TBC1D12: variants seen among roughly 807,000 people sequenced by gnomAD.
TBC1D12 encodes TBC1 domain family member 12, also known as TBC1 domain family, member 12.
Under a neutral mutation model 86.7 loss-of-function variants are expected in TBC1D12, and 56 were observed. The observed-to-expected ratio is 0.65, with a 90% CI of 0.52 to 0.81. TBC1D12 has a LOEUF of 0.81. Among genes scored for constraint, TBC1D12 ranks in the 30% least tolerant of loss-of-function variants. The pLI is 0.00. For synonymous variants in TBC1D12, 421 were observed against 411.7 expected (o/e 1.02, Z -0.27); for missense variants, 1,023 against 1,038.8 (o/e 0.98, Z 0.21).
chr10:94,437,348 C>G (rs1399977071), intron 1 of TBC1D12, among the ~76,000 whole-genome samples: 1 of 150,806 alleles, frequency 6.6e-6, no homozygotes, highest in Non-Finnish European at 1.5e-5. Context: ...TTTTTTGAGA[C>G]AGAGTCTCGC....
chr10:94,436,812 T>C lies in TBC1D12; in HGVS notation c.972-5084T>C, dbSNP rs551064010. 1.9e-3 allele frequency among the ~76,000 whole-genome samples: 282 copies of C among 152,006 alleles called. 1 individual carries two copies. Among genetic ancestry groups the C allele is most frequent in the Middle Eastern group, 3.4e-3 (1 of 294 alleles). On this transcript the variant is annotated intron_variant, in intron 1 of 12. Transcript: ENST00000225235. ...AAAAAATCTTTTTTTTTTTTAATGC[T>C]TTAATGCTTTTTAGCCTCCCGAGTA...
chr10:94,418,938 G>C (rs997683479), intron 1 of TBC1D12, among the ~76,000 whole-genome samples: 3 of 138,084 alleles, frequency 2.2e-5, no homozygotes, highest in African/African-American at 8.1e-5. Context: ...GCAGTGGCGC[G>C]ATCTCGGCTC....
chr10:94,532,663 A>G (rs1842461100), intron 12 of TBC1D12, among the ~76,000 whole-genome samples: 1 of 152,170 alleles, frequency 6.6e-6, no homozygotes, highest in African/African-American at 2.4e-5. Context: ...TGGCTTTTAG[A>G]TGCTTAGTCT....
At chr10:94,488,748 C>A (rs993977552) in intron 3 of TBC1D12, among the ~76,000 whole-genome samples, 2 of 151,866 alleles carry the variant, frequency 1.3e-5, no homozygotes, top group African/African-American at 4.8e-5. Flanking sequence ...TTCTTTCTTT[C>A]AAGGCAGCAG....
chr10:94,530,895 C>G (rs1176281913), intron 11 of TBC1D12, among the ~76,000 whole-genome samples: 1 of 125,228 alleles, frequency 8.0e-6, no homozygotes, highest in Non-Finnish European at 1.6e-5. Context: ...GAGTCTCACT[C>G]TATCACCAGG....
At chr10:94,443,220 C>T (rs372765237) in intron 2 of TBC1D12, among the ~76,000 whole-genome samples, 71 of 152,292 alleles carry the variant, frequency 4.7e-4, no homozygotes, top group African/African-American at 1.7e-3. Context: ...TTCTAAGCAG[C>T]CCCTCCCTTT....
At chr10:94,518,271 T>C (rs1367183298) in intron 9 of TBC1D12, among the ~76,000 whole-genome samples, 1 of 151,978 alleles carries the variant, frequency 6.6e-6, no homozygotes, top group Non-Finnish European at 1.5e-5. Context: ...TGGAGTGCAG[T>C]GGCACAATCT....
At chr10:94,494,716 G>A (rs961382456) in intron 4 of TBC1D12, among the ~76,000 whole-genome samples, 1 of 151,574 alleles carries the variant, frequency 6.6e-6, no homozygotes, top group African/African-American at 2.4e-5. Context: ...GTTAATTTTT[G>A]TATTTTTTTG....
chr10:94,482,501 G>T (rs913658447), intron 3 of TBC1D12, among the ~76,000 whole-genome samples: 5 of 151,606 alleles, frequency 3.3e-5, no homozygotes, highest in African/African-American at 4.8e-5. Context: ...CCCAGGCTGG[G>T]GTATAATGAC....
At chr10:94,430,459 T>C (rs2055200289) in intron 1 of TBC1D12, among the ~76,000 whole-genome samples, 1 of 152,202 alleles carries the variant, frequency 6.6e-6, no homozygotes, top group Admixed American at 6.5e-5. Context: ...ATCCAAGCAC[T>C]CTACATTCTG....
chr10:94,411,131 C>T (rs1236263991), intron 1 of TBC1D12, among the ~76,000 whole-genome samples: 1 of 152,098 alleles, frequency 6.6e-6, no homozygotes, highest in African/African-American at 2.4e-5. Context: ...TCTAACTCTG[C>T]CTTAGGGTAA....
chr10:94,480,233 A>G (rs765624186), intron 3 of TBC1D12, among the ~76,000 whole-genome samples: 15 of 152,296 alleles, frequency 9.8e-5, no homozygotes, highest in South Asian at 2.1e-4. Flanking sequence ...AGAAAGATTA[A>G]TAGTATAAAT....
intron 3 of TBC1D12, among the ~76,000 whole-genome samples, chr10:94,483,726 GTTTTTGTTTT>G (rs1186023517): frequency 2.0e-5 from 3 of 150,748 alleles, no homozygotes; most frequent in African/African-American, 4.9e-5. Flanking sequence ...TATTGGTTTT[GTTTTTGTTTT>G]TTTTTGTTTG....
chr10:94,528,114 A>C (rs1311148745), intron 11 of TBC1D12, among the ~76,000 whole-genome samples: 2 of 151,448 alleles, frequency 1.3e-5, no homozygotes, highest in East Asian at 3.9e-4. Flanking sequence ...TTCTGTGAAG[A>C]GTGTCATTGG....
At chr10:94,423,597 C>G (rs2055107641) in intron 1 of TBC1D12, among the ~76,000 whole-genome samples, 1 of 152,088 alleles carries the variant, frequency 6.6e-6, no homozygotes, top group South Asian at 2.1e-4. Flanking sequence ...GTCTGCCTGC[C>G]TCAGCCTCCC....
chr10:94,465,448 T>C (rs1166915740), intron 2 of TBC1D12, among the ~76,000 whole-genome samples: 1 of 151,944 alleles, frequency 6.6e-6, no homozygotes, highest in Non-Finnish European at 1.5e-5. Context: ...GAGACTGAGC[T>C]CATCCTGGCT....
At position 94,534,986 on chromosome 10, in the gene TBC1D12, C is replaced by T. The variant is rs529815238; in HGVS notation, c.*1890C>T. On this transcript the variant is annotated 3_prime_UTR_variant, in exon 13 of 13. Transcript: ENST00000225235. ...GCAACATTAACAGTCTTTTCCCAGT[C>T]AGGTGCTGTCCAGGGAACATGTTTC... is the stretch of plus-strand genomic sequence containing the variant. 1.3e-5 allele frequency: 2 copies of T among 152,276 alleles called. No homozygotes were observed. The highest frequency in any genetic ancestry group is 2.9e-5 in the Non-Finnish European group (2 of 68,036). The allele number at this position is 152,276 out of a possible 1,614,324, so 9.4% of individuals were successfully genotyped here.
chr10:94,483,702 T>G (rs1007396203), intron 3 of TBC1D12, among the ~76,000 whole-genome samples: 1 of 152,188 alleles, frequency 6.6e-6, no homozygotes, highest in African/African-American at 2.4e-5. Flanking sequence ...GCACATATTT[T>G]CTCCCATTCT....
At chr10:94,463,632 T>C (rs1225717480) in intron 2 of TBC1D12, among the ~76,000 whole-genome samples, 2 of 152,194 alleles carry the variant, frequency 1.3e-5, no homozygotes, top group African/African-American at 4.8e-5. Context: ...TAGACAAATA[T>C]TCAAACCATA....
Sources: gnomAD v4.1 joint callset for allele counts (sites outside exome capture counted in the v4.1 genomes callset) on GRCh38, gnomAD v4.1.1 for gene constraint, MANE v1.5 for transcripts, NCBI Gene and HGNC (gene_info 2026-07-23, HGNC 2026-07-21) for gene names.